The following QRICH1 variants were observed in gnomAD, a reference collection of about 807,000 sequenced individuals.
QRICH1 encodes the protein transcriptional regulator QRICH1.
QRICH1 carries 16 observed loss-of-function variants against 87.1 expected under a neutral mutation model. The ratio of observed to expected loss-of-function variants is 0.18; its 90% CI spans 0.12 to 0.28. QRICH1 has a LOEUF of 0.28. Among genes scored for constraint, QRICH1 ranks in the 10% least tolerant of loss-of-function variants. The pLI, the probability that QRICH1 is intolerant of heterozygous loss-of-function variation, is 1.00. For synonymous variants in QRICH1, 367 were observed against 368.4 expected (o/e 1.00, Z 0.05); for missense variants, 647 against 951.7 (o/e 0.68, Z 4.21).
At chr3:49,050,641 C>T (rs960879762) in intron 3 of QRICH1, among the ~76,000 whole-genome samples, 3 of 151,992 alleles carry the variant, frequency 2.0e-5, no homozygotes, top group Admixed American at 1.3e-4. Context: ...TGAAGAAAAT[C>T]TTTGGCATCA....
At chr3:49,083,031 C>T (rs2042093744) in intron 1 of QRICH1, among the ~76,000 whole-genome samples, 1 of 151,328 alleles carries the variant, frequency 6.6e-6, no homozygotes, top group East Asian at 1.9e-4. Context: ...ACATGGAGAA[C>T]CCCCGTCTCT....
chr3:49,055,328 A>C (rs1429861068), intron 3 of QRICH1, among the ~76,000 whole-genome samples: 1 of 152,144 alleles, frequency 6.6e-6, no homozygotes, highest in African/African-American at 2.4e-5. Flanking sequence ...TAGCACCTTC[A>C]TCAGTCCCAT....
intron 2 of QRICH1, among the ~76,000 whole-genome samples, chr3:49,061,938 C>T (rs1194520533): frequency 6.6e-6 from 1 of 152,094 alleles, no homozygotes; most frequent in African/African-American, 2.4e-5. Context: ...CCAATCAAAG[C>T]CACAATGAGA....
Position 49,057,108 on chromosome 3 carries a change from G to A in QRICH1, c.1092C>T (p.Thr364=). Residue 364 remains threonine (T), a synonymous_variant, in exon 3 of 10, where the codon ACC becomes ACT. Transcript: ENST00000395443. The surrounding 1 kb of genome is among the most constrained non-coding windows in gnomAD (Gnocchi z 5.4). ...CATGGGAGTTTTTCACTACAGATGT[G>A]GTGCCCACCATCTTCTCCTTGTCAT... The part of the protein sequence containing the change: ...LEDDKEKMVG[T]TSVVKNSHEE... 6.2e-7 allele frequency: 1 copy of A among 1,614,180 alleles called. No individual in the cohort carries two copies. The highest frequency in any genetic ancestry group is 8.5e-7 in the Non-Finnish European group (1 of 1,180,042).
intron 8 of QRICH1, 84 bp from the exon 9 acceptor site, chr3:49,032,357 GCCAGC>G (rs200656406): frequency 0.014 from 15,025 of 1,049,764 alleles, 190 homozygotes; most frequent in Middle Eastern, 0.05. Context: ...TAGGCTTTCA[GCCAGC>G]CCAACTAGGA....
intron 6 of QRICH1, among the ~76,000 whole-genome samples, chr3:49,038,591 T>C (rs1295743298): frequency 2.6e-5 from 4 of 151,878 alleles, no homozygotes; most frequent in Non-Finnish European, 5.9e-5. Context: ...ATTTTTGTAA[T>C]TTTTTTAGTA....
At chr3:49,058,160 T>G (rs1403183458) in intron 2 of QRICH1, 1 of 501,950 alleles carries the variant, frequency 2.0e-6, no homozygotes, top group African/African-American at 1.9e-5. Flanking sequence ...AAAAAAAATT[T>G]TTTTTTTTTA....
chr3:49,054,691 G>A (rs1415360744), intron 3 of QRICH1, among the ~76,000 whole-genome samples: 1 of 152,130 alleles, frequency 6.6e-6, no homozygotes, highest in East Asian at 1.9e-4. Flanking sequence ...GATCACTTGA[G>A]GCCAGGAGTT....
chr3:49,075,061 T>G (rs923118348), intron 2 of QRICH1, among the ~76,000 whole-genome samples: 4 of 151,726 alleles, frequency 2.6e-5, no homozygotes, highest in Non-Finnish European at 5.9e-5. Flanking sequence ...GCAGCTCATA[T>G]TTGTAATCTC....
intron 1 of QRICH1, among the ~76,000 whole-genome samples, chr3:49,090,628 CAAAA>C (rs35351750): frequency 5.0e-5 from 6 of 119,500 alleles, no homozygotes; most frequent in East Asian, 2.3e-4. Context: ...AACTCCATCT[CAAAA>C]AAAAAAAAAA....
intron 2 of QRICH1, among the ~76,000 whole-genome samples, chr3:49,072,151 T>C (rs1383729335): frequency 1.3e-5 from 2 of 152,040 alleles, no homozygotes; most frequent in Non-Finnish European, 2.9e-5. Context: ...GCCAACATGG[T>C]GAAACCCCAT....
chr3:49,054,303 C>A (rs897837794), intron 3 of QRICH1, among the ~76,000 whole-genome samples: 1 of 152,208 alleles, frequency 6.6e-6, no homozygotes, highest in Non-Finnish European at 1.5e-5. Context: ...TCTCTGTGAA[C>A]AAAAGCTGAG....
At chr3:49,067,516 C>T (rs981226566) in intron 2 of QRICH1, among the ~76,000 whole-genome samples, 8 of 151,178 alleles carry the variant, frequency 5.3e-5, no homozygotes, top group African/African-American at 9.7e-5. Flanking sequence ...TGCAGTGAGC[C>T]GAGATAGCAC....
rs371196389 is a variant in QRICH1, at chr3:49,039,094, C to T, written c.1786+5296G>A. 2.8e-4 allele frequency among the ~76,000 whole-genome samples: 42 copies of T among 152,248 alleles called. No homozygotes were observed. The East Asian group carries it at 5.0e-3, about 18-fold the overall frequency. On this transcript the variant is annotated intron_variant, in intron 6 of 9. Transcript: ENST00000395443. ...TAACCGGGCCAGGCGCAGTGGCTCACGCCTATAATCCCAGCACTTTAGGAG... is the reference window on the plus strand; with the variant it reads ...TAACCGGGCCAGGCGCAGTGGCTCATGCCTATAATCCCAGCACTTTAGGAG...
intron 4 of QRICH1, among the ~76,000 whole-genome samples, chr3:49,046,833 A>G (rs556733933): frequency 7.2e-4 from 110 of 152,088 alleles, no homozygotes; most frequent in African/African-American, 2.5e-3. Context: ...GGTAGGGTCA[A>G]CTCCTGAAAC....
intron 2 of QRICH1, among the ~76,000 whole-genome samples, chr3:49,066,118 C>CT (rs2093467020): frequency 6.6e-6 from 1 of 152,060 alleles, no homozygotes; most frequent in East Asian, 1.9e-4. Context: ...AACCCCGTCT[C>CT]TACCAAGAAT....
intron 9 of QRICH1, among the ~76,000 whole-genome samples, chr3:49,030,895 C>T (rs1446538684): frequency 6.6e-6 from 1 of 152,168 alleles, no homozygotes; most frequent in African/African-American, 2.4e-5. Flanking sequence ...TCACTGACTG[C>T]ACCAGCCTAG....
chr3:49,050,248 C>CAAAAAAAAAAAAAAAAA (rs527597101), intron 3 of QRICH1, among the ~76,000 whole-genome samples: 11 of 52,408 alleles, frequency 2.1e-4, no homozygotes, highest in African/African-American at 6.9e-4. Flanking sequence ...GACTCCGTCT[C>CAAAAAAAAAAAAAAAAA]AAAAAAAAAA....
intron 2 of QRICH1, among the ~76,000 whole-genome samples, chr3:49,065,350 G>C (rs920402123): frequency 6.6e-6 from 1 of 152,046 alleles, no homozygotes; most frequent in African/African-American, 2.4e-5. Context: ...TTGCCATGTT[G>C]GCCAGGCTGT....
Sources: gnomAD v4.1 joint callset for allele counts (sites outside exome capture counted in the v4.1 genomes callset) on GRCh38, gnomAD v4.1.1 for gene constraint, Gnocchi (gnomAD v3.1) non-coding constraint, MANE v1.5 for transcripts, NCBI Gene and HGNC (gene_info 2026-07-23, HGNC 2026-07-21) for gene names.